Variants in SERPINB7 observed in about 807,000 individuals in gnomAD.
SERPINB7 encodes serpin family B member 7.
SERPINB7 carries 31 observed loss-of-function variants against 37.4 expected under a neutral mutation model. That is an observed-to-expected ratio of 0.83 (90% CI 0.62 to 1.12). The LOEUF is 1.12. Among genes scored for constraint, SERPINB7 ranks in the 50% most tolerant of loss-of-function variants. The probability of loss-of-function intolerance (pLI) is 0.00; values close to 1 mark genes in which losing one functional copy is unlikely to be tolerated. For synonymous variants in SERPINB7, 163 were observed against 166.1 expected (o/e 0.98, Z 0.14); for missense variants, 521 against 455.3 (o/e 1.14, Z -1.31).
chr18:63,799,212 T>G (rs1225058235), intron 6 of SERPINB7, among the ~76,000 whole-genome samples: 1 of 152,238 alleles, frequency 6.6e-6, no homozygotes, highest in Admixed American at 6.5e-5. Flanking sequence ...GTACAAGCCA[T>G]ATGTATTTCT....
upstream of SERPINB7, among the ~76,000 whole-genome samples, chr18:63,773,715 G>A (rs1017233554): frequency 1.3e-5 from 2 of 152,106 alleles, no homozygotes; most frequent in African/African-American, 4.8e-5. Flanking sequence ...TCATTGTATG[G>A]CAAGGGAGAA....
intron 2 of SERPINB7, among the ~76,000 whole-genome samples, chr18:63,790,703 C>G (rs1047667863): frequency 2.6e-5 from 4 of 152,068 alleles, no homozygotes; most frequent in African/African-American, 9.7e-5. Context: ...GTTGAAAACA[C>G]TGTAAAACAT....
intron 1 of SERPINB7, among the ~76,000 whole-genome samples, chr18:63,758,042 G>A (rs371137433): frequency 2.5e-4 from 38 of 152,238 alleles, no homozygotes; most frequent in South Asian, 1.5e-3. Context: ...CTCATGGTGC[G>A]TAGCTTCTCT....
chr18:63,783,149 G>A (rs1327639619), intron 2 of SERPINB7, among the ~76,000 whole-genome samples: 1 of 142,090 alleles, frequency 7.0e-6, no homozygotes, highest in African/African-American at 2.6e-5. Flanking sequence ...GAAAACAAAC[G>A]ATCAAACAAA....
intron 4 of SERPINB7, among the ~76,000 whole-genome samples, chr18:63,795,555 A>G (rs1402277352): frequency 1.3e-5 from 2 of 150,818 alleles, no homozygotes; most frequent in East Asian, 3.9e-4. Context: ...CAAGAGTGAG[A>G]CATCGTCTCA....
At chr18:63,762,113 A>G (rs576331929) in intron 1 of SERPINB7, among the ~76,000 whole-genome samples, 29 of 152,074 alleles carry the variant, frequency 1.9e-4, no homozygotes, top group Non-Finnish European at 3.4e-4. Flanking sequence ...GGACTGTGGG[A>G]CCATGGAGGG....
chr18:63,758,303 C>T (rs948079549), intron 1 of SERPINB7, among the ~76,000 whole-genome samples: 1 of 152,176 alleles, frequency 6.6e-6, no homozygotes. Flanking sequence ...ACATCAACAA[C>T]AGCAATGGAA....
intron 2 of SERPINB7, among the ~76,000 whole-genome samples, chr18:63,783,232 GAGAAAGAA>G (rs761812129): frequency 0.022 from 873 of 40,318 alleles, 23 homozygotes; most frequent in Non-Finnish European, 0.027. Flanking sequence ...GAGAGAGAGA[GAGAAAGAA>G]AGAAAGAAAG....
At chr18:63,754,460 T>C (rs2049109010) in intron 1 of SERPINB7, among the ~76,000 whole-genome samples, 1 of 152,050 alleles carries the variant, frequency 6.6e-6, no homozygotes, top group African/African-American at 2.4e-5. Context: ...AGAACACCGG[T>C]AAACAGATAA....
In SERPINB7 at chr18:63,782,486, C is replaced by T. The variant is rs562050160; in HGVS notation, c.114C>T (p.Ala38=). The T allele has an allele frequency of 2.5e-6, 4 of 1,614,130 alleles. No homozygotes were observed. The South Asian group carries it at 4.4e-5, about 18-fold the overall frequency. ...VFFSSLSLFA[A]LALVRLGAQD... is the part of the protein sequence containing the mutation. ...TTTCCTCTCTGAGCCTCTTCGCTGCCCTGGCCCTGGTCCGCTTGGGCGCTC... is the reference window on the plus strand; with the variant it reads ...TTTCCTCTCTGAGCCTCTTCGCTGCTCTGGCCCTGGTCCGCTTGGGCGCTC... Residue 38 remains alanine (A), a synonymous_variant, in exon 2 of 8, where the codon GCC becomes GCT. Coordinates refer to ENST00000398019, the MANE Select transcript of SERPINB7 (RefSeq NM_003784.4).
intron 2 of SERPINB7, among the ~76,000 whole-genome samples, chr18:63,786,620 T>C (rs2049376110): frequency 6.6e-6 from 1 of 152,034 alleles, no homozygotes; most frequent in Non-Finnish European, 1.5e-5. Context: ...TAGTATCTTT[T>C]TTTTTAAAAA....
chr18:63,757,435 C>T (rs773817204), intron 1 of SERPINB7, among the ~76,000 whole-genome samples: 2 of 152,168 alleles, frequency 1.3e-5, no homozygotes, highest in Non-Finnish European at 2.9e-5. Flanking sequence ...CTGGATTTAG[C>T]TGGTGCAATA....
intron 5 of SERPINB7, 67 bp from the exon 6 acceptor site, chr18:63,798,537 G>T (rs2049512217): frequency 1.6e-6 from 2 of 1,270,638 alleles, no homozygotes; most frequent in Non-Finnish European, 2.2e-6. Flanking sequence ...CCAATTAATG[G>T]TCTTTTTAAA....
At position 63,804,949 on chromosome 18, in the gene SERPINB7, A is replaced by G. The variant is rs986329947; in HGVS notation, c.*314A>G. ...TGGAGAGTGCTCAACTGGTAAGGAG[A>G]ACGTAGAAGTAGCCCTAGGGATCCT... On this transcript the variant is annotated 3_prime_UTR_variant, in exon 8 of 8. Transcript: ENST00000398019. The G allele has an allele frequency of 4.2e-5, 12 of 285,268 alleles. No individual in the cohort carries two copies. Among genetic ancestry groups the G allele is most frequent in the African/African-American group, 2.4e-4 (11 of 46,136 alleles). The allele number at this position is 285,268 out of a possible 1,614,324, so 17.7% of individuals were successfully genotyped here. A position where few individuals can be genotyped will look rare whatever the true frequency, so the allele number is the denominator to read the frequency against.
intron 2 of SERPINB7, among the ~76,000 whole-genome samples, chr18:63,791,495 A>G (rs1321771327): frequency 6.6e-6 from 1 of 152,248 alleles, no homozygotes; most frequent in Non-Finnish European, 1.5e-5. Context: ...TATTAAATTA[A>G]CACATGAATT....
chr18:63,778,489 A>G (rs1369098115), intron 1 of SERPINB7, among the ~76,000 whole-genome samples: 1 of 152,134 alleles, frequency 6.6e-6, no homozygotes, highest in Non-Finnish European at 1.5e-5. Context: ...AATTTTCTAT[A>G]TACAGGCAAA....
chr18:63,768,266 AT>A (rs60222994), intron 1 of SERPINB7, among the ~76,000 whole-genome samples: 33,539 of 149,852 alleles, frequency 0.22, 4,376 homozygotes, highest in East Asian at 0.67. Context: ...ACTGTTCTTC[AT>A]TTTTTTTTAT....
At chr18:63,796,457 G>A in intron 5 of SERPINB7, 74 bp downstream of exon 5, 1 of 807,556 alleles carries the variant, frequency 1.2e-6, no homozygotes, top group Non-Finnish European at 2.1e-6. Flanking sequence ...AAAGCTGGGA[G>A]TCTTTTGTAC....
chr18:63,783,441 G>C (rs148625891), intron 2 of SERPINB7, among the ~76,000 whole-genome samples: 100 of 152,156 alleles, frequency 6.6e-4, no homozygotes, highest in African/African-American at 2.3e-3. Context: ...AGATAGGAGA[G>C]TTAGAAGGAG....
Sources: allele counts gnomAD v4.1 joint callset (sites outside exome capture counted in the v4.1 genomes callset), GRCh38; gene constraint gnomAD v4.1.1; transcripts MANE v1.5; gene names NCBI Gene and HGNC (gene_info 2026-07-23, HGNC 2026-07-21).